CFAP210: variants seen among roughly 807,000 people sequenced by gnomAD.
The protein encoded by CFAP210 is cilia and flagella associated protein 210, also known as cilia- and flagella- associated protein 210.
the CFAP210 span, among the ~76,000 whole-genome samples, chr2:169,647,013 A>G: frequency 1.3e-5 from 2 of 152,270 alleles, no homozygotes; most frequent in South Asian, 2.1e-4. Flanking sequence ...CCCAAACCTG[A>G]TATCTATCAT....
the CFAP210 span, among the ~76,000 whole-genome samples, chr2:169,660,048 A>C: frequency 6.6e-6 from 1 of 150,864 alleles, no homozygotes; most frequent in Admixed American, 6.6e-5. Flanking sequence ...TTTTTTTCTT[A>C]ATCTGGCTAG....
the CFAP210 span, among the ~76,000 whole-genome samples, chr2:169,653,823 C>T: frequency 6.6e-6 from 1 of 152,144 alleles, no homozygotes; most frequent in African/African-American, 2.4e-5. Context: ...ATCGACAACT[C>T]CAACTACCAC....
At chr2:169,687,844 GTTCTC>G in the CFAP210 span, among the ~76,000 whole-genome samples, 1 of 152,210 alleles carries the variant, frequency 6.6e-6, no homozygotes, top group Non-Finnish European at 1.5e-5. Context: ...CCTAGCAGAG[GTTCTC>G]CATGAGGGCC....
chr2:169,665,476 A>T, the CFAP210 span, among the ~76,000 whole-genome samples: 2 of 148,862 alleles, frequency 1.3e-5, no homozygotes, highest in East Asian at 2.0e-4. Flanking sequence ...AATTCCAGCT[A>T]TTTTTTTTTT....
At chr2:169,664,274 T>A in the CFAP210 span, among the ~76,000 whole-genome samples, 1 of 152,188 alleles carries the variant, frequency 6.6e-6, no homozygotes, top group Non-Finnish European at 1.5e-5. Flanking sequence ...TCAAAGTTTT[T>A]AAATTGCTAC....
chr2:169,646,170 A>T, the CFAP210 span: 1 of 1,606,752 alleles, frequency 6.2e-7, no homozygotes, highest in Non-Finnish European at 8.5e-7. Context: ...TTTGCATTAA[A>T]CTTATTTTTG....
At chr2:169,692,448 A>ACG in the CFAP210 span, among the ~76,000 whole-genome samples, 1 of 67,156 alleles carries the variant, frequency 1.5e-5, no homozygotes, top group East Asian at 2.3e-4. Context: ...GCGCACGCAC[A>ACG]CACACACACA....
At chr2:169,669,924 G>T in the CFAP210 span, among the ~76,000 whole-genome samples, 1 of 152,192 alleles carries the variant, frequency 6.6e-6, no homozygotes, top group Non-Finnish European at 1.5e-5. Context: ...GGATGGTCTA[G>T]ACTAGAGTTA....
the CFAP210 span, among the ~76,000 whole-genome samples, chr2:169,672,348 C>T: frequency 1.3e-5 from 2 of 152,134 alleles, no homozygotes; most frequent in African/African-American, 4.8e-5. Flanking sequence ...AGAAACAGAA[C>T]CAAGAGGGTG....
At chr2:169,649,992 T>C in the CFAP210 span, among the ~76,000 whole-genome samples, 1 of 152,164 alleles carries the variant, frequency 6.6e-6, no homozygotes, top group East Asian at 1.9e-4. Flanking sequence ...ATGTAAGATA[T>C]GTTTTAAAAT....
chr2:169,663,793 T>C, the CFAP210 span, among the ~76,000 whole-genome samples: 1 of 142,888 alleles, frequency 7.0e-6, no homozygotes. Flanking sequence ...CTAAAAATAA[T>C]AATAAAAAAA....
the CFAP210 span, among the ~76,000 whole-genome samples, chr2:169,656,498 GGGAGGAGGAGGAGGA>G: frequency 6.7e-6 from 1 of 149,874 alleles, no homozygotes; most frequent in African/African-American, 2.5e-5. Context: ...AAGGAGGTGC[GGGAGGAGGAGGAGGA>G]GGAGGAGGAG....
the CFAP210 span, among the ~76,000 whole-genome samples, chr2:169,693,590 C>T: frequency 6.6e-6 from 1 of 152,210 alleles, no homozygotes; most frequent in Non-Finnish European, 1.5e-5. Flanking sequence ...ACATTAATTG[C>T]TAATTTACAG....
At chr2:169,678,774 G>A in the CFAP210 span, among the ~76,000 whole-genome samples, 6 of 151,648 alleles carry the variant, frequency 4.0e-5, no homozygotes, top group African/African-American at 1.2e-4. Flanking sequence ...GCAGTGAGCC[G>A]AGATCACACC....
At chr2:169,694,196 G>A in the CFAP210 span, 1 of 1,506,446 alleles carries the variant, frequency 6.6e-7, no homozygotes, top group Non-Finnish European at 9.2e-7. Context: ...CGGCATCCTC[G>A]CCTCTCACTC....
the CFAP210 span, among the ~76,000 whole-genome samples, chr2:169,689,372 A>C: frequency 6.6e-6 from 1 of 152,090 alleles, no homozygotes; most frequent in Non-Finnish European, 1.5e-5. Flanking sequence ...ACTTTTCCTA[A>C]GTATTTTGGT....
At chr2:169,681,089 C>T in the CFAP210 span, 1 of 1,613,932 alleles carries the variant, frequency 6.2e-7, no homozygotes, top group East Asian at 2.2e-5. Context: ...TGCACGGAGG[C>T]ATGCTGCTTC....
chr2:169,680,871 A>C, the CFAP210 span: 1 of 671,758 alleles, frequency 1.5e-6, no homozygotes, highest in Non-Finnish European at 2.5e-6. Flanking sequence ...TACCTAAATA[A>C]CACTGTTGAA....
At chr2:169,656,397 G>C in the CFAP210 span, among the ~76,000 whole-genome samples, 2 of 151,324 alleles carry the variant, frequency 1.3e-5, no homozygotes, top group East Asian at 3.9e-4. Flanking sequence ...AAGAGGAGGA[G>C]GAGGATGAAG....
Sources: gnomAD v4.1 joint callset for allele counts (sites outside exome capture counted in the v4.1 genomes callset) on GRCh38, gnomAD v4.1.1 for gene constraint, MANE v1.5 for transcripts, NCBI Gene and HGNC (gene_info 2026-07-23, HGNC 2026-07-21) for gene names.